Variants in AKT3 observed in about 807,000 individuals in gnomAD.
AKT3 encodes AKT serine/threonine kinase 3.
Under a neutral mutation model 65.3 loss-of-function variants are expected in AKT3, and 15 were observed. The ratio of observed to expected loss-of-function variants is 0.23; its 90% CI spans 0.15 to 0.35. The LOEUF is 0.35. Among genes scored for constraint, AKT3 ranks in the 10% least tolerant of loss-of-function variants. AKT3 has a pLI of 1.00. For synonymous variants in AKT3, 206 were observed against 183.8 expected, an observed-to-expected ratio of 1.12 and a Z score of -0.98; for missense variants, 243 against 576.5, an observed-to-expected ratio of 0.42 and a Z score of 5.92.
At chr1:243,772,822 T>C (rs539568663) in intron 2 of AKT3, among the ~76,000 whole-genome samples, 1 of 151,808 alleles carries the variant, frequency 6.6e-6, no homozygotes, top group South Asian at 2.1e-4. Flanking sequence ...ATTAAGAAAA[T>C]GTGGCACATA....
At chr1:243,536,991 T>A (rs933991411) in intron 12 of AKT3, among the ~76,000 whole-genome samples, 1 of 152,128 alleles carries the variant, frequency 6.6e-6, no homozygotes, top group African/African-American at 2.4e-5. Flanking sequence ...TAGCTTACAA[T>A]CATTAACCTC....
At chr1:243,674,393 A>G (rs922377489) in intron 3 of AKT3, among the ~76,000 whole-genome samples, 1 of 151,926 alleles carries the variant, frequency 6.6e-6, no homozygotes, top group Non-Finnish European at 1.5e-5. Context: ...AATACTAGGT[A>G]CCTCTTGACA....
chr1:243,614,279 A>G (rs949807685), intron 7 of AKT3, among the ~76,000 whole-genome samples: 1 of 152,216 alleles, frequency 6.6e-6, no homozygotes, highest in African/African-American at 2.4e-5. Context: ...TAGACAATAA[A>G]CACACCAAAA....
rs573218907 is a variant in AKT3, at chr1:243,550,781, T to G, written c.1163+1948A>C. On this transcript the variant is annotated intron_variant, in intron 11 of 13. Transcript: ENST00000673466. ...CAACATGGTGAAACCCCATCTCTACTAAAATACCAAAAAAAAAAAAAAAAA... is the reference window on the plus strand; with the variant it reads ...CAACATGGTGAAACCCCATCTCTACGAAAATACCAAAAAAAAAAAAAAAAA... Among the ~76,000 whole-genome samples, 8 of 19,592 alleles carry G rather than the reference T, an allele frequency of 4.1e-4. No homozygotes were observed. In the East Asian group the frequency reaches 0.013, roughly 33 times the overall value. The allele number at this position is 19,592 out of a possible 152,430, so 12.9% of individuals were successfully genotyped here.
intron 13 of AKT3, among the ~76,000 whole-genome samples, chr1:243,510,016 C>T (rs1330773154): frequency 6.6e-6 from 1 of 152,206 alleles, no homozygotes; most frequent in Non-Finnish European, 1.5e-5. Context: ...AAAATATCTA[C>T]TCCTGGCTTG....
At chr1:243,518,486 G>A (rs936745330) in intron 12 of AKT3, among the ~76,000 whole-genome samples, 3 of 152,272 alleles carry the variant, frequency 2.0e-5, no homozygotes, top group South Asian at 2.1e-4. Flanking sequence ...TTAGTTGGGT[G>A]TAGTGGCACA....
intron 12 of AKT3, among the ~76,000 whole-genome samples, chr1:243,525,459 G>A (rs1338295834): frequency 6.6e-6 from 1 of 151,334 alleles, no homozygotes; most frequent in East Asian, 2.0e-4. Context: ...AGTAGACAAA[G>A]ACTTTAAAGC....
chr1:243,781,511 A>T (rs930690882), intron 2 of AKT3, among the ~76,000 whole-genome samples: 2 of 152,148 alleles, frequency 1.3e-5, no homozygotes, highest in Non-Finnish European at 2.9e-5. Context: ...AATGATTTAT[A>T]GAAACACATT....
Position 243,545,190 on chromosome 1 carries a change from T to A in AKT3, c.1251+320A>T, listed in dbSNP as rs568879268. Reference sequence around the variant, plus strand: ...AAAGACATAAGGGCAAATTAAAAAATTTTAACTAGTTTTCTTAAAGAAAAA... The same window carrying A: ...AAAGACATAAGGGCAAATTAAAAAAATTTAACTAGTTTTCTTAAAGAAAAA... On this transcript the variant is annotated intron_variant, in intron 12 of 13. Coordinates refer to ENST00000673466, the MANE Select transcript of AKT3 (RefSeq NM_005465.7). 4.6e-5 allele frequency among the ~76,000 whole-genome samples: 7 copies of A among 152,294 alleles called. No homozygotes were observed. In the East Asian group the frequency reaches 1.2e-3, roughly 25 times the overall value.
At chr1:243,495,444 G>A (rs888801919), downstream of AKT3, among the ~76,000 whole-genome samples, 5 of 152,220 alleles carry the variant, frequency 3.3e-5, no homozygotes, top group Non-Finnish European at 7.3e-5. Context: ...CTCTGACTGC[G>A]GTGTGGAGGC....
At chr1:243,523,982 G>A (rs1180240145) in intron 12 of AKT3, among the ~76,000 whole-genome samples, 4 of 152,154 alleles carry the variant, frequency 2.6e-5, no homozygotes, top group African/African-American at 9.7e-5. Flanking sequence ...ACATCATGGA[G>A]AGTACTTACA....
chr1:243,508,346 A>C (rs1165870264), intron 13 of AKT3, among the ~76,000 whole-genome samples: 1 of 152,210 alleles, frequency 6.6e-6, no homozygotes, highest in Non-Finnish European at 1.5e-5. Flanking sequence ...CATGGCCCCC[A>C]GTGCTGAGCG....
chr1:243,800,389 G>T (rs1255861275), intron 2 of AKT3, among the ~76,000 whole-genome samples: 1 of 152,164 alleles, frequency 6.6e-6, no homozygotes, highest in Non-Finnish European at 1.5e-5. Context: ...CTATAAGAGG[G>T]CCATATAATT....
At chr1:243,708,550 T>C (rs1685952428) in intron 2 of AKT3, among the ~76,000 whole-genome samples, 1 of 152,028 alleles carries the variant, frequency 6.6e-6, no homozygotes. Context: ...GTAAGCATAA[T>C]AATGCTGTTT....
chr1:243,697,716 AG>A (rs1489602622), intron 2 of AKT3, among the ~76,000 whole-genome samples: 1 of 152,078 alleles, frequency 6.6e-6, no homozygotes, highest in Non-Finnish European at 1.5e-5. Context: ...TCATGAAAAA[AG>A]TAAACATTGG....
chr1:243,616,830 C>T (rs897117276), intron 6 of AKT3, among the ~76,000 whole-genome samples: 7 of 152,220 alleles, frequency 4.6e-5, no homozygotes, highest in African/African-American at 7.2e-5. Context: ...TAATTAACAA[C>T]GAGTGAAGGA....
chr1:243,541,711 G>A (rs1241530477), intron 12 of AKT3, among the ~76,000 whole-genome samples: 4 of 152,094 alleles, frequency 2.6e-5, no homozygotes, highest in Non-Finnish European at 5.9e-5. Context: ...AGCCAATACA[G>A]CAAGGCAAAA....
At position 243,501,481 on chromosome 1, in the gene AKT3, A is replaced by G. The variant is rs1669294459; in HGVS notation, c.*3768T>C. 4.3e-6 allele frequency: 1 copy of G among 233,122 alleles called. No individual in the cohort carries two copies. Among genetic ancestry groups the G allele is most frequent in the Non-Finnish European group, 8.5e-6 (1 of 118,036 alleles). 14.4% of individuals were successfully genotyped at this position (233,122 alleles called of 1,614,324 possible). On this transcript the variant is annotated 3_prime_UTR_variant, in exon 14 of 14. Transcript: ENST00000673466. ...AGACCTCCTTCATCCCTGGCTTCAC[A>G]GTACATCCATCCTAAATCCAGTGCT...
chr1:243,553,184 A>C (rs1321586346), intron 10 of AKT3, among the ~76,000 whole-genome samples: 1 of 152,166 alleles, frequency 6.6e-6, no homozygotes, highest in Non-Finnish European at 1.5e-5. Context: ...TCGTACAAAA[A>C]AAAAAAAATC....
Sources: gnomAD v4.1 joint callset for allele counts (sites outside exome capture counted in the v4.1 genomes callset) on GRCh38, gnomAD v4.1.1 for gene constraint, MANE v1.5 for transcripts, NCBI Gene and HGNC (gene_info 2026-07-23, HGNC 2026-07-21) for gene names.